Variants in FAT4 observed in about 807,000 individuals in gnomAD.
The protein encoded by FAT4 is FAT atypical cadherin 4.
Under a neutral mutation model 303.9 loss-of-function variants are expected in FAT4, and 84 were observed. The ratio of observed to expected loss-of-function variants is 0.28; its 90% CI spans 0.23 to 0.33. FAT4 has a LOEUF of 0.33. FAT4 is among the 10% of genes least tolerant of loss of function. FAT4 has a pLI of 1.00. For missense variants in FAT4, 6,005 were observed against 6,146.8 expected, an observed-to-expected ratio of 0.98 and a Z score of 0.77; for synonymous variants, 2,307 against 2,298.8, an observed-to-expected ratio of 1.00 and a Z score of -0.10.
chr4:125,372,724 C>T (rs932083150), intron 2 of FAT4, among the ~76,000 whole-genome samples: 3 of 152,120 alleles, frequency 2.0e-5, no homozygotes, highest in Non-Finnish European at 2.9e-5. Flanking sequence ...TTCCTTTACA[C>T]AATAGTATTA....
At chr4:125,334,468 G>T (rs1731499410) in intron 2 of FAT4, among the ~76,000 whole-genome samples, 1 of 152,036 alleles carries the variant, frequency 6.6e-6, no homozygotes, top group African/African-American at 2.4e-5. Context: ...ACAATTCTGA[G>T]AAATTGCTTC....
In FAT4 at chr4:125,320,773, A is replaced by T; in HGVS notation, c.4362A>T (p.Gln1454His). 1 of 1,614,162 alleles carries T rather than the reference A, an allele frequency of 6.2e-7. No homozygotes were observed. Among genetic ancestry groups the T allele is most frequent in the Non-Finnish European group, 8.5e-7 (1 of 1,179,990 alleles). ...ACCCTGATGCAGACATTAATGGTCAACTATCCTACACAATCATTCAACAGA... is the reference window on the plus strand; with the variant it reads ...ACCCTGATGCAGACATTAATGGTCATCTATCCTACACAATCATTCAACAGA... ...AHDPDADINGQLSYTIIQQMP... is the reference protein window; with the variant it reads ...AHDPDADINGHLSYTIIQQMP... Residue 1454 changes from glutamine to histidine, a missense_variant, in exon 2 of 18, where the codon CAA becomes CAT. Coordinates refer to ENST00000394329, the MANE Select transcript of FAT4 (RefSeq NM_001291303.3).
intron 2 of FAT4, among the ~76,000 whole-genome samples, chr4:125,347,775 A>T (rs1227078716): frequency 6.6e-6 from 1 of 151,862 alleles, no homozygotes; most frequent in Non-Finnish European, 1.5e-5. Context: ...ACTTACTAAA[A>T]TTTTAAGAAG....
chr4:125,343,363 A>G (rs1376739789), intron 2 of FAT4, among the ~76,000 whole-genome samples: 6 of 152,150 alleles, frequency 3.9e-5, no homozygotes, highest in African/African-American at 1.4e-4. Context: ...ATCCAGGGCT[A>G]GAACCCATAG....
chr4:125,469,949 G>A (rs779432808), intron 12 of FAT4, among the ~76,000 whole-genome samples: 17 of 152,140 alleles, frequency 1.1e-4, no homozygotes, highest in Non-Finnish European at 1.8e-4. Context: ...ATCATCTGTG[G>A]CAGCTATAGC....
rs149918413 is a variant in FAT4, at chr4:125,337,185, T to C, written c.5175+15599T>C. 4.1e-4 allele frequency among the ~76,000 whole-genome samples: 63 copies of C among 152,210 alleles called. No individual in the cohort carries two copies. The East Asian group carries it at 0.011, about 26-fold the overall frequency. On this transcript the variant is annotated intron_variant, in intron 2 of 17. Transcript: ENST00000394329. ...ATATAAATACGAAGTATTTGAATGCTGATCTATATCATAACTAGATCTTTC... is the reference window on the plus strand; with the variant it reads ...ATATAAATACGAAGTATTTGAATGCCGATCTATATCATAACTAGATCTTTC...
chr4:125,479,874 G>C lies in FAT4; in HGVS notation c.12604+9G>C, dbSNP rs1190206749. ...GAAATACTGTGAAAAATGTATGTAA[G>C]GTCTTCCGTCTTCCCCTGGAAATTT... On this transcript the variant is annotated intron_variant, in intron 15 of 17. Transcript: ENST00000394329. 6.5e-7 allele frequency: 1 copy of C among 1,548,198 alleles called. No individual in the cohort carries two copies. The highest frequency in any genetic ancestry group is 1.3e-5 in the South Asian group (1 of 78,806).
chr4:125,477,398 G>A (rs1727068452), intron 14 of FAT4, 64 bp downstream of exon 14: 4 of 1,341,604 alleles, frequency 3.0e-6, no homozygotes, highest in African/African-American at 3.0e-5. Flanking sequence ...GCTTCAGTGA[G>A]CATCAAAAGA....
At chr4:125,325,086 G>C (rs72928779) in intron 2 of FAT4, among the ~76,000 whole-genome samples, 29,112 of 151,814 alleles carry the variant, frequency 0.19, 2,954 homozygotes, top group Non-Finnish European at 0.23. Context: ...CAGATATTTT[G>C]AGTGGGATAA....
intron 2 of FAT4, among the ~76,000 whole-genome samples, chr4:125,394,964 A>G (rs769864585): frequency 6.6e-6 from 1 of 152,202 alleles, no homozygotes; most frequent in East Asian, 1.9e-4. Context: ...TGACTAATAC[A>G]TACTTGTTAT....
In FAT4 at chr4:125,417,998, T is replaced by C. The variant is rs144156304; in HGVS notation, c.7018+1376T>C. On this transcript the variant is annotated intron_variant, in intron 7 of 17. Coordinates refer to ENST00000394329, the MANE Select transcript of FAT4 (RefSeq NM_001291303.3). ...ACCACTTTTTTCAGGAGAATGTGAG[T>C]TTTAGACATCCGGTTTTAGAATCTA... Among the ~76,000 whole-genome samples the C allele has an allele frequency of 4.6e-3, 701 of 152,260 alleles. 5 individuals are homozygous for C. The highest frequency in any genetic ancestry group is 0.016 in the African/African-American group (657 of 41,556).
chr4:125,373,244 T>A (rs1401209697), intron 2 of FAT4, among the ~76,000 whole-genome samples: 1 of 152,114 alleles, frequency 6.6e-6, no homozygotes, highest in Non-Finnish European at 1.5e-5. Flanking sequence ...AATAATTCAG[T>A]GAATTGTTCA....
At chr4:125,471,420 T>A (rs1195468457) in intron 12 of FAT4, among the ~76,000 whole-genome samples, 1 of 152,162 alleles carries the variant, frequency 6.6e-6, no homozygotes, top group Non-Finnish European at 1.5e-5. Context: ...TGAAGAGCAA[T>A]AAAATGAGGC....
At position 125,416,589 on chromosome 4, in the gene FAT4, C is replaced by T. The variant is rs148293496; in HGVS notation, c.6985C>T (p.Arg2329Cys). The change falls in exon 7 of 18, where the codon CGC becomes TGC. Residue 2329 changes from arginine (R) to cysteine (C), a missense_variant. Physicochemically the swap from Arg to Cys is radical, Grantham distance 180. Coordinates refer to ENST00000394329, the MANE Select transcript of FAT4 (RefSeq NM_001291303.3). ...TQSLDRETKERFVLMITATDS... is the reference protein window; with the variant it reads ...TQSLDRETKECFVLMITATDS... ...GAGTCTGGATCGGGAAACAAAAGAG[C>T]GCTTTGTCTTAATGATTACAGCTAC... 1.1e-4 allele frequency: 184 copies of T among 1,613,662 alleles called. No homozygotes were observed. Among genetic ancestry groups the T allele is most frequent in the African/African-American group, 9.4e-5 (7 of 74,858 alleles).
At chr4:125,459,142 T>G (rs1351695476) in intron 10 of FAT4, among the ~76,000 whole-genome samples, 1 of 152,010 alleles carries the variant, frequency 6.6e-6, no homozygotes, top group African/African-American at 2.4e-5. Context: ...TTTATGGTAG[T>G]CTAATATGTA....
At chr4:125,350,847 T>C (rs1732194761) in intron 2 of FAT4, among the ~76,000 whole-genome samples, 1 of 151,778 alleles carries the variant, frequency 6.6e-6, no homozygotes, top group Admixed American at 6.6e-5. Context: ...GAGTATCTAT[T>C]CATCTTCCCC....
intron 2 of FAT4, among the ~76,000 whole-genome samples, chr4:125,351,093 G>C (rs919092152): frequency 1.3e-5 from 2 of 151,628 alleles, no homozygotes; most frequent in African/African-American, 4.8e-5. Flanking sequence ...TGATGTGATT[G>C]ATTGGTTAGA....
chr4:125,487,967 T>C (rs1302281373), intron 17 of FAT4, among the ~76,000 whole-genome samples: 1 of 152,200 alleles, frequency 6.6e-6, no homozygotes, highest in Non-Finnish European at 1.5e-5. Context: ...AGCCACTCTC[T>C]TCATAGACCA....
chr4:125,370,555 G>A (rs1389742646), intron 2 of FAT4, among the ~76,000 whole-genome samples: 9 of 152,100 alleles, frequency 5.9e-5, no homozygotes, highest in South Asian at 2.1e-4. Context: ...TGATGAAAGA[G>A]GATTGCAGTT....
Sources: gnomAD v4.1 joint callset for allele counts (sites outside exome capture counted in the v4.1 genomes callset) on GRCh38, gnomAD v4.1.1 for gene constraint, MANE v1.5 for transcripts, NCBI Gene and HGNC (gene_info 2026-07-23, HGNC 2026-07-21) for gene names.